The following VPS41 variants were observed in gnomAD, a reference collection of about 807,000 sequenced individuals.
The protein encoded by VPS41 is vacuolar protein sorting-associated protein 41 homolog.
A neutral mutation model predicts 130.9 loss-of-function variants in VPS41; 85 were observed. The observed-to-expected ratio is 0.65, with a 90% CI of 0.55 to 0.78. The LOEUF (loss-of-function observed/expected upper bound fraction) is 0.78, where lower values mean the gene tolerates loss of function less well. VPS41 is among the 30% of genes least tolerant of loss of function. The pLI is 0.00. For missense variants in VPS41, 874 were observed against 1,018.7 expected, an observed-to-expected ratio of 0.86 and a Z score of 1.93; for synonymous variants, 335 against 332.9, an observed-to-expected ratio of 1.01 and a Z score of -0.07.
At chr7:38,769,015 T>A (rs180976955) in intron 14 of VPS41, among the ~76,000 whole-genome samples, 6 of 152,236 alleles carry the variant, frequency 3.9e-5, no homozygotes, top group African/African-American at 1.4e-4. Context: ...CTTTATAATC[T>A]CCTATTCACT....
intron 7 of VPS41, among the ~76,000 whole-genome samples, chr7:38,806,214 T>C (rs573946840): frequency 1.3e-5 from 2 of 152,188 alleles, no homozygotes; most frequent in African/African-American, 4.8e-5. Flanking sequence ...TGGCAACACA[T>C]ATTAAATGCC....
chr7:38,863,573 T>C (rs1786165820), intron 3 of VPS41, among the ~76,000 whole-genome samples: 1 of 152,134 alleles, frequency 6.6e-6, no homozygotes, highest in South Asian at 2.1e-4. Flanking sequence ...GTTCAGGCAC[T>C]TAAAATATGA....
chr7:38,773,892 G>A (rs562360169), intron 12 of VPS41, among the ~76,000 whole-genome samples: 5 of 152,190 alleles, frequency 3.3e-5, no homozygotes, highest in South Asian at 4.2e-4. Context: ...ATCCTCCCCC[G>A]GGTCCTGGTC....
At chr7:38,887,144 G>A (rs931293490) in intron 2 of VPS41, among the ~76,000 whole-genome samples, 3 of 152,112 alleles carry the variant, frequency 2.0e-5, no homozygotes, top group Admixed American at 1.3e-4. Flanking sequence ...ACAACTCCTC[G>A]CCAGCAAGGG....
intron 22 of VPS41, among the ~76,000 whole-genome samples, chr7:38,746,913 G>A (rs987723476): frequency 3.3e-5 from 5 of 152,076 alleles, no homozygotes; most frequent in African/African-American, 4.8e-5. Flanking sequence ...CAAGGTGGAC[G>A]AACAAGAGGA....
chr7:38,855,506 G>C (rs1368433586), intron 4 of VPS41, among the ~76,000 whole-genome samples: 1 of 152,140 alleles, frequency 6.6e-6, no homozygotes, highest in Non-Finnish European at 1.5e-5. Flanking sequence ...CCAAAGTCCA[G>C]GGAGAAAAAT....
chr7:38,815,012 G>C (rs141475585), intron 7 of VPS41, among the ~76,000 whole-genome samples: 1 of 152,114 alleles, frequency 6.6e-6, no homozygotes, highest in Admixed American at 6.5e-5. Context: ...CCTTCAGCCA[G>C]GGCCTAACAG....
chr7:38,886,333 G>A (rs532464234), intron 2 of VPS41, among the ~76,000 whole-genome samples: 7 of 152,356 alleles, frequency 4.6e-5, no homozygotes, highest in African/African-American at 1.7e-4. Flanking sequence ...GCAACCAGCA[G>A]ACCAGGAGAT....
rs917049850 is a variant in VPS41 at position 38,818,412 on chromosome 7, G to A, written c.385-530C>T. Among the ~76,000 whole-genome samples the A allele has an allele frequency of 2.6e-5, 4 of 151,984 alleles. No homozygotes were observed. The East Asian group carries it at 7.7e-4, about 29-fold the overall frequency. ...GAGCTACAGGCCCAAAGAGCTAACC[G>A]TTCAGGACTTAGCTTTTTAGATACA... is the stretch of plus-strand genomic sequence containing the variant. On this transcript the variant is annotated intron_variant, in intron 6 of 28. Coordinates refer to ENST00000310301, the MANE Select transcript of VPS41 (RefSeq NM_014396.4).
intron 6 of VPS41, among the ~76,000 whole-genome samples, chr7:38,818,265 GA>G (rs2116105343): frequency 6.8e-6 from 1 of 146,714 alleles, no homozygotes; most frequent in African/African-American, 2.5e-5. Context: ...AAAAAAAACA[GA>G]AAGAAGCCAA....
intron 24 of VPS41, among the ~76,000 whole-genome samples, chr7:38,742,928 T>C (rs1475657710): frequency 6.6e-6 from 1 of 152,144 alleles, no homozygotes; most frequent in African/African-American, 2.4e-5. Context: ...CTGGGTGTTG[T>C]ACTGATAAAA....
At chr7:38,756,733 A>T in intron 19 of VPS41, 105 bp downstream of exon 19, 1 of 863,922 alleles carries the variant, frequency 1.2e-6, no homozygotes, top group South Asian at 1.9e-5. Flanking sequence ...CATAAAGCCA[A>T]GTTATGTGAT....
intron 2 of VPS41, among the ~76,000 whole-genome samples, chr7:38,896,820 T>C (rs1787006187): frequency 6.6e-6 from 1 of 152,234 alleles, no homozygotes; most frequent in Admixed American, 6.5e-5. Flanking sequence ...TACATTTTCA[T>C]TCCTCTGAGC....
chr7:38,838,900 T>C (rs918179816), intron 4 of VPS41, among the ~76,000 whole-genome samples: 1 of 152,240 alleles, frequency 6.6e-6, no homozygotes, highest in South Asian at 2.1e-4. Flanking sequence ...TTTCCCCTGA[T>C]ACTCCTCATC....
At chr7:38,847,091 A>G (rs991421792) in intron 4 of VPS41, among the ~76,000 whole-genome samples, 1 of 152,224 alleles carries the variant, frequency 6.6e-6, no homozygotes, top group Non-Finnish European at 1.5e-5. Flanking sequence ...CAAATAATCA[A>G]AAGGGCTGTC....
chr7:38,825,350 A>G (rs1785250721), intron 5 of VPS41, among the ~76,000 whole-genome samples: 1 of 152,200 alleles, frequency 6.6e-6, no homozygotes, highest in Non-Finnish European at 1.5e-5. Flanking sequence ...AAAATCTTCA[A>G]TGTTTTGGTT....
intron 23 of VPS41, 72 bp from the exon 24 acceptor site, chr7:38,743,614 T>A: frequency 6.5e-7 from 1 of 1,538,568 alleles, no homozygotes; most frequent in Non-Finnish European, 8.8e-7. Context: ...AAATTGCATA[T>A]CTCTTAATTT....
Position 38,756,942 on chromosome 7 carries a change from A to G in VPS41, c.1591T>C (p.Tyr531His), listed in dbSNP as rs568277999. The G allele has an allele frequency of 1.3e-6, 2 of 1,598,706 alleles. No homozygotes were observed. The highest frequency in any genetic ancestry group is 4.5e-5 in the East Asian group (2 of 44,598). Residue 531 changes from tyrosine to histidine, a missense_variant, in exon 19 of 29, where the codon TAC (tyrosine) becomes CAC (histidine). Tyr to His is a moderately conservative substitution (Grantham distance 83). Coordinates refer to ENST00000310301, the MANE Select transcript of VPS41 (RefSeq NM_014396.4). ...ACGTCTTTATGTCTTAATGTTAAGT[A>G]TATTTCCAGAGCATTGCCATAGTTC... ...DKNYGNALEIYLTLRHKDVFQ... is the reference protein window; with the variant it reads ...DKNYGNALEIHLTLRHKDVFQ...
At chr7:38,734,049 G>A (rs1321209088) in intron 25 of VPS41, among the ~76,000 whole-genome samples, 3 of 152,206 alleles carry the variant, frequency 2.0e-5, no homozygotes, top group Non-Finnish European at 4.4e-5. Context: ...CTGCACCACT[G>A]CCATGCTCCA....
Sources: allele counts gnomAD v4.1 joint callset (sites outside exome capture counted in the v4.1 genomes callset), GRCh38; gene constraint gnomAD v4.1.1; transcripts MANE v1.5; gene names NCBI Gene and HGNC (gene_info 2026-07-23, HGNC 2026-07-21).